Variants in SLMAP observed in about 807,000 individuals in gnomAD.
SLMAP encodes the protein sarcolemma associated protein, also known as sarcolemmal membrane-associated protein.
Under a neutral mutation model 128.8 loss-of-function variants are expected in SLMAP, and 44 were observed. The ratio of observed to expected loss-of-function variants is 0.34; its 90% CI spans 0.27 to 0.44. SLMAP has a LOEUF of 0.44. Ranked by LOEUF, SLMAP falls within the 20% of genes least tolerant of loss-of-function variation. The pLI, the probability that SLMAP is intolerant of heterozygous loss-of-function variation, is 1.00. For missense variants in SLMAP, 787 were observed against 985.3 expected, an observed-to-expected ratio of 0.80 and a Z score of 2.69; for synonymous variants, 327 against 348.8, an observed-to-expected ratio of 0.94 and a Z score of 0.70.
chr3:57,763,666 TTTG>T, intron 2 of SLMAP, among the ~76,000 whole-genome samples: 1 of 152,170 alleles, frequency 6.6e-6, no homozygotes, highest in Non-Finnish European at 1.5e-5. Context: ...CTGATGAGGA[TTTG>T]TTATTTCTTC....
intron 22 of SLMAP, among the ~76,000 whole-genome samples, chr3:57,920,789 T>C (rs2096902838): frequency 6.6e-6 from 1 of 151,832 alleles, no homozygotes; most frequent in African/African-American, 2.4e-5. Context: ...CCGAGGTGGG[T>C]GGATCACTCA....
intron 22 of SLMAP, chr3:57,918,550 G>A (rs2096856378): frequency 6.6e-6 from 1 of 152,100 alleles, no homozygotes; most frequent in East Asian, 1.9e-4. Context: ...GAAATGATGT[G>A]TAGTCATCAC....
rs190273444 is a variant in SLMAP at position 57,780,005 on chromosome 3, T to G, written c.198+22156T>G. On this transcript the variant is annotated intron_variant, in intron 2 of 24. Transcript: ENST00000671191. ...TTTTATATTTAACTTAATTAAAATTTTAAAAGAGAAATAAAAAAAGTTAAG... is the reference window on the plus strand; with the variant it reads ...TTTTATATTTAACTTAATTAAAATTGTAAAAGAGAAATAAAAAAAGTTAAG... Among the ~76,000 whole-genome samples the G allele has an allele frequency of 2.2e-3, 342 of 152,158 alleles. 1 individual carries two copies. The highest frequency in any genetic ancestry group is 2.8e-3 in the Non-Finnish European group (192 of 67,998).
intron 3 of SLMAP, among the ~76,000 whole-genome samples, chr3:57,837,987 T>C (rs997790097): frequency 3.3e-5 from 5 of 152,232 alleles, no homozygotes; most frequent in African/African-American, 7.2e-5. Context: ...GCAGCAACTC[T>C]GTACTGCCCA....
At chr3:57,825,088 G>A (rs1433238277) in intron 2 of SLMAP, among the ~76,000 whole-genome samples, 2 of 152,170 alleles carry the variant, frequency 1.3e-5, no homozygotes, top group East Asian at 1.9e-4. Flanking sequence ...TTTTTTGTGT[G>A]TTAACCTTGT....
At chr3:57,850,044 C>T (rs920267013) in intron 6 of SLMAP, among the ~76,000 whole-genome samples, 2 of 151,898 alleles carry the variant, frequency 1.3e-5, no homozygotes, top group South Asian at 2.1e-4. Flanking sequence ...GGTGTGATGG[C>T]GTGCATCTGT....
At chr3:57,789,928 C>A (rs1398741855) in intron 2 of SLMAP, among the ~76,000 whole-genome samples, 1 of 152,176 alleles carries the variant, frequency 6.6e-6, no homozygotes, top group African/African-American at 2.4e-5. Context: ...CCTCCGCCTC[C>A]TGGGTTCAAG....
intron 2 of SLMAP, among the ~76,000 whole-genome samples, chr3:57,762,710 GTTTTTTTTTTTTT>G (rs752054975): frequency 9.3e-6 from 1 of 107,756 alleles, no homozygotes; most frequent in Non-Finnish European, 1.9e-5. Flanking sequence ...TAGTAGAATG[GTTTTTTTTTTTTT>G]TTTTTTTTTT....
intron 15 of SLMAP, among the ~76,000 whole-genome samples, chr3:57,895,400 A>G (rs1183572492): frequency 6.6e-6 from 1 of 152,008 alleles, no homozygotes; most frequent in East Asian, 1.9e-4. Flanking sequence ...CAGTGGCACA[A>G]TCTCGGCTCA....
intron 2 of SLMAP, among the ~76,000 whole-genome samples, chr3:57,817,625 T>A (rs1022214749): frequency 1.3e-5 from 2 of 152,246 alleles, no homozygotes; most frequent in Non-Finnish European, 2.9e-5. Context: ...TTTGGACTTA[T>A]GTTTTAACTC....
chr3:57,849,517 A>G (rs2094429636), intron 5 of SLMAP, among the ~76,000 whole-genome samples: 2 of 152,218 alleles, frequency 1.3e-5, no homozygotes, highest in Non-Finnish European at 2.9e-5. Context: ...GATGAATTTT[A>G]AAGGGAAAAT....
intron 15 of SLMAP, among the ~76,000 whole-genome samples, chr3:57,894,577 G>T (rs1159006096): frequency 2.6e-5 from 4 of 152,122 alleles, no homozygotes; most frequent in Non-Finnish European, 5.9e-5. Context: ...ACTAAGGAAA[G>T]AAGATATATA....
At chr3:57,831,991 C>A (rs547882620) in intron 3 of SLMAP, among the ~76,000 whole-genome samples, 1 of 152,340 alleles carries the variant, frequency 6.6e-6, no homozygotes, top group East Asian at 1.9e-4. Flanking sequence ...TGGCTGCAAG[C>A]CCCAGGCATC....
intron 17 of SLMAP, among the ~76,000 whole-genome samples, chr3:57,902,382 A>C (rs1173779649): frequency 3.3e-5 from 5 of 152,228 alleles, no homozygotes; most frequent in African/African-American, 1.2e-4. Context: ...TTGAGGATTG[A>C]TAAGTATAAT....
At chr3:57,811,425 CCTTT>C (rs2090959031) in intron 2 of SLMAP, among the ~76,000 whole-genome samples, 2 of 152,146 alleles carry the variant, frequency 1.3e-5, no homozygotes, top group Admixed American at 6.5e-5. Flanking sequence ...GAATTTCCTT[CCTTT>C]CTAAGGCTGA....
At chr3:57,848,411 CTTCT>C (rs1279930959) in intron 5 of SLMAP, among the ~76,000 whole-genome samples, 3 of 148,368 alleles carry the variant, frequency 2.0e-5, no homozygotes, top group Non-Finnish European at 4.5e-5. Flanking sequence ...TTCTTTCTTC[CTTCT>C]TTCTTCTTCC....
chr3:57,880,124 A>G (rs1232781852), intron 14 of SLMAP, among the ~76,000 whole-genome samples: 1 of 152,050 alleles, frequency 6.6e-6, no homozygotes, highest in Non-Finnish European at 1.5e-5. Flanking sequence ...TTATGAAAAT[A>G]TATTAACCTA....
intron 2 of SLMAP, among the ~76,000 whole-genome samples, chr3:57,762,203 C>T (rs192781785): frequency 3.4e-3 from 522 of 151,456 alleles, no homozygotes; most frequent in Non-Finnish European, 5.6e-3. Flanking sequence ...CCTGTCTCTA[C>T]GAAAAATACA....
chr3:57,849,849 G>T, intron 6 of SLMAP, 33 bp downstream of exon 6: 1 of 1,214,864 alleles, frequency 8.2e-7, no homozygotes, highest in South Asian at 1.2e-5. Flanking sequence ...CTTAAAAGCA[G>T]AATTTCTTTT....
Sources: gnomAD v4.1 joint callset for allele counts (sites outside exome capture counted in the v4.1 genomes callset) on GRCh38, gnomAD v4.1.1 for gene constraint, MANE v1.5 for transcripts, NCBI Gene and HGNC (gene_info 2026-07-23, HGNC 2026-07-21) for gene names.